The following SMTNL1 variants were observed in gnomAD, a reference collection of about 807,000 sequenced individuals.
The protein encoded by SMTNL1 is smoothelin like 1.
In SMTNL1, 41 loss-of-function variants were observed where a neutral mutation model predicts 46.6. The observed-to-expected ratio is 0.88, with a 90% CI of 0.69 to 1.14. SMTNL1 has a LOEUF of 1.14. Among genes scored for constraint, SMTNL1 ranks in the 50% most tolerant of loss-of-function variants. The pLI is 0.00. For synonymous variants in SMTNL1, 234 were observed against 234.2 expected, an observed-to-expected ratio of 1.00 and a Z score of 0.01; for missense variants, 591 against 626.1, an observed-to-expected ratio of 0.94 and a Z score of 0.60.
At chr11:57,549,236 G>T (rs1156294538) in intron 7 of SMTNL1, among the ~76,000 whole-genome samples, 2 of 152,058 alleles carry the variant, frequency 1.3e-5, no homozygotes, top group Non-Finnish European at 2.9e-5. Context: ...ATGTTGGCCA[G>T]GCTGGTCTCA....
chr11:57,543,217 A>C lies in SMTNL1; in HGVS notation c.575A>C (p.Lys192Thr). 3.7e-6 allele frequency: 6 copies of C among 1,613,896 alleles called. No individual in the cohort carries two copies. The highest frequency in any genetic ancestry group is 5.1e-6 in the Non-Finnish European group (6 of 1,179,874). ...GAGTGCAGCACTGAACCCAAGGAGA[A>C]GGCTACTGATGAAGAGGCCAAGGCT... ...RKECSTEPKEKATDEEAKAES... is the reference protein window; with the variant it reads ...RKECSTEPKETATDEEAKAES... The change falls in exon 2 of 8, where the codon AAG becomes ACG. Residue 192 changes from lysine to threonine, a missense_variant. Physicochemically the swap from Lys to Thr is moderately conservative, Grantham distance 78 (BLOSUM62 -1). Transcript: ENST00000527972.
In SMTNL1 at chr11:57,541,137, G is replaced by A. The variant is rs72925958; in HGVS notation, c.-2-1504G>A. Among the ~76,000 whole-genome samples the A allele has an allele frequency of 6.6e-5, 10 of 152,262 alleles. No homozygotes were observed. In the South Asian group the frequency reaches 1.7e-3, roughly 25 times the overall value. On this transcript the variant is annotated intron_variant, in intron 1 of 7. Transcript: ENST00000527972. The stretch of plus-strand genomic sequence containing the variant: ...ACTTTTAGGAAATAGTGAGGGCATC[G>A]AATTCAGGAACCCCAGGACTCTGGG...
At chr11:57,546,912 C>A (rs1172701804) in intron 7 of SMTNL1, among the ~76,000 whole-genome samples, 1 of 152,074 alleles carries the variant, frequency 6.6e-6, no homozygotes, top group Non-Finnish European at 1.5e-5. Flanking sequence ...GCAGGAGAAT[C>A]GCTTGAGGCC....
At chr11:57,543,842 T>C in intron 3 of SMTNL1, 27 bp from the exon 4 acceptor site, 1 of 1,582,120 alleles carries the variant, frequency 6.3e-7, no homozygotes, top group Non-Finnish European at 8.6e-7. Context: ...AGCCCCAGCT[T>C]CCCTCCCTCC....
chr11:57,545,210 A>T (rs549662289), intron 4 of SMTNL1, among the ~76,000 whole-genome samples: 1 of 152,122 alleles, frequency 6.6e-6, no homozygotes. Flanking sequence ...CTTTACATTC[A>T]CCTTCTTACA....
At position 57,546,526 on chromosome 11, in the gene SMTNL1, C is replaced by A; in HGVS notation, c.1214C>A (p.Ser405Tyr). Residue 405 changes from serine to tyrosine, a missense_variant, in exon 7 of 8, where the codon TCC becomes TAC. Coordinates refer to ENST00000527972, the MANE Select transcript of SMTNL1 (RefSeq NM_001105565.3). ...YEHVDIQNFSSSWSSGMAFCA... is the reference protein window; with the variant it reads ...YEHVDIQNFSYSWSSGMAFCA... ...CATGTGGACATCCAGAACTTCTCCT[C>A]CAGCTGGAGCAGTGGTATGGCCTTC... is the stretch of plus-strand genomic sequence containing the variant. 1 of 1,614,210 alleles carries A rather than the reference C, an allele frequency of 6.2e-7. No homozygotes were observed. The highest frequency in any genetic ancestry group is 8.5e-7 in the Non-Finnish European group (1 of 1,180,018).
chr11:57,539,224 G>A (rs749335901), intron 1 of SMTNL1, among the ~76,000 whole-genome samples: 5 of 152,108 alleles, frequency 3.3e-5, no homozygotes, highest in Non-Finnish European at 1.5e-5. Flanking sequence ...AGGTGTGATG[G>A]TGCACATCTG....
rs1277516080 is a variant in SMTNL1, at chr11:57,543,222, A to G, written c.580A>G (p.Thr194Ala). The change falls in exon 2 of 8, where the codon ACT becomes GCT. Residue 194 changes from threonine to alanine, a missense_variant. Coordinates refer to ENST00000527972, the MANE Select transcript of SMTNL1 (RefSeq NM_001105565.3). Reference sequence around the variant, plus strand: ...CAGCACTGAACCCAAGGAGAAGGCTACTGATGAAGAGGCCAAGGCTGAATC... The same window carrying G: ...CAGCACTGAACCCAAGGAGAAGGCTGCTGATGAAGAGGCCAAGGCTGAATC... The part of the protein sequence containing the change: ...ECSTEPKEKA[T>A]DEEAKAESQK... 9 of 1,613,762 alleles carry G rather than the reference A, an allele frequency of 5.6e-6. No individual in the cohort carries two copies. In the East Asian group the frequency reaches 1.1e-4, roughly 20 times the overall value.
chr11:57,545,794 C>CCCCCCCAA, intron 4 of SMTNL1, 87 bp from the exon 5 acceptor site: 1 of 1,168,086 alleles, frequency 8.6e-7, no homozygotes, highest in Non-Finnish European at 1.2e-6. Flanking sequence ...TGCAGTGCCA[C>CCCCCCCAA]CCACCCTCCA....
In SMTNL1 at chr11:57,550,049, A is replaced by T. The variant is rs117673759; in HGVS notation, c.1422A>T (p.Thr474=). ...TGCCCGACTCCAAGTGCGTCTACACATACATCCAGGAACTGTACCGCAGCC... is the reference window on the plus strand; with the variant it reads ...TGCCCGACTCCAAGTGCGTCTACACTTACATCCAGGAACTGTACCGCAGCC... ...LAVPDSKCVY[T]YIQELYRSLV... is the part of the protein sequence containing the mutation. The change falls in exon 8 of 8, where the codon ACA becomes ACT. Residue 474 remains threonine (T), a synonymous_variant. Transcript: ENST00000527972. 12 of 1,613,826 alleles carry T rather than the reference A, an allele frequency of 7.4e-6. No homozygotes were observed. The highest frequency in any genetic ancestry group is 1.0e-5 in the Non-Finnish European group (12 of 1,179,876).
chr11:57,538,731 T>A (rs955720998), intron 1 of SMTNL1, among the ~76,000 whole-genome samples: 3 of 152,282 alleles, frequency 2.0e-5, no homozygotes, highest in East Asian at 3.9e-4. Context: ...GGACTTCAAC[T>A]CCCTGAGCCT....
intron 7 of SMTNL1, 72 bp downstream of exon 7, chr11:57,546,724 A>G (rs1445167693): frequency 1.3e-6 from 2 of 1,535,400 alleles, no homozygotes; most frequent in Non-Finnish European, 8.8e-7. Flanking sequence ...GGGGTTGAGT[A>G]GTGAGGCAGT....
At chr11:57,541,238 G>T (rs1211459670) in intron 1 of SMTNL1, among the ~76,000 whole-genome samples, 2 of 152,178 alleles carry the variant, frequency 1.3e-5, no homozygotes, top group African/African-American at 4.8e-5. Flanking sequence ...AATTACCCAG[G>T]TGCCCTCGGT....
chr11:57,548,080 G>C (rs1021246258), intron 7 of SMTNL1, among the ~76,000 whole-genome samples: 1 of 152,184 alleles, frequency 6.6e-6, no homozygotes, highest in Admixed American at 6.5e-5. Context: ...GGATGGAGGG[G>C]AGGAGTCTAT....
intron 1 of SMTNL1, among the ~76,000 whole-genome samples, chr11:57,539,620 A>G (rs1205875994): frequency 6.6e-6 from 1 of 152,024 alleles, no homozygotes; most frequent in East Asian, 1.9e-4. Context: ...TTGTTTTTTT[A>G]AGAGCTGAGG....
At chr11:57,545,328 A>C (rs1035170338) in intron 4 of SMTNL1, among the ~76,000 whole-genome samples, 3 of 152,096 alleles carry the variant, frequency 2.0e-5, no homozygotes, top group East Asian at 3.9e-4. Context: ...AGCCATGCCA[A>C]GCGCAGTGGC....
chr11:57,539,406 T>A (rs887621283), intron 1 of SMTNL1, among the ~76,000 whole-genome samples: 11 of 152,242 alleles, frequency 7.2e-5, no homozygotes, highest in Admixed American at 3.3e-4. Context: ...AGCCAAATAG[T>A]GTCATACTTT....
At chr11:57,544,277 G>T (rs957862444) in intron 4 of SMTNL1, among the ~76,000 whole-genome samples, 2 of 152,234 alleles carry the variant, frequency 1.3e-5, no homozygotes, top group Non-Finnish European at 2.9e-5. Context: ...CTACTCGGGA[G>T]GCTGAGGCAG....
chr11:57,543,964 C>T (rs1293748205), intron 4 of SMTNL1, 44 bp downstream of exon 4: 2 of 1,548,050 alleles, frequency 1.3e-6, no homozygotes, highest in East Asian at 4.8e-5. Context: ...CCCCCTACCT[C>T]CTGCTTCCCT....
Sources: gnomAD v4.1 joint callset for allele counts (sites outside exome capture counted in the v4.1 genomes callset) on GRCh38, gnomAD v4.1.1 for gene constraint, MANE v1.5 for transcripts, NCBI Gene and HGNC (gene_info 2026-07-23, HGNC 2026-07-21) for gene names.